The following EPM2A variants were observed in gnomAD, a reference collection of about 807,000 sequenced individuals.
The protein encoded by EPM2A is EPM2A glucan phosphatase, laforin.
EPM2A carries 21 observed loss-of-function variants against 26.5 expected under a neutral mutation model. That is an observed-to-expected ratio of 0.79 (90% CI 0.56 to 1.14). EPM2A has a LOEUF of 1.14. Among genes scored for constraint, EPM2A ranks in the 50% most tolerant of loss-of-function variants. The pLI is 0.00. For synonymous variants in EPM2A, 217 were observed against 177.6 expected (o/e 1.22, Z -1.76); for missense variants, 458 against 440.8 (o/e 1.04, Z -0.35).
chr6:145,692,996 C>T (rs1013473019), intron 1 of EPM2A, among the ~76,000 whole-genome samples: 6 of 151,964 alleles, frequency 3.9e-5, no homozygotes, highest in African/African-American at 1.4e-4. Context: ...CTATAAATTT[C>T]TTTGGGTAGT....
At chr6:145,483,378 G>C (rs973358001) in intron 4 of EPM2A, among the ~76,000 whole-genome samples, 2 of 151,978 alleles carry the variant, frequency 1.3e-5, no homozygotes, top group African/African-American at 2.4e-5. Flanking sequence ...CTGAAACAAA[G>C]ACAGCTAGCT....
chr6:145,490,771 C>T (rs1779744284), intron 4 of EPM2A: 1 of 562,950 alleles, frequency 1.8e-6, no homozygotes, highest in Non-Finnish European at 3.5e-6. Context: ...CATGTGACAA[C>T]TGACGTTCCA....
intron 1 of EPM2A, among the ~76,000 whole-genome samples, chr6:145,719,925 C>T (rs947091993): frequency 2.1e-5 from 3 of 141,592 alleles, no homozygotes; most frequent in Non-Finnish European, 4.6e-5. Flanking sequence ...ACCAAAATAA[C>T]GATTTAAACA....
intron 2 of EPM2A, among the ~76,000 whole-genome samples, chr6:145,565,546 C>A (rs1014115381): frequency 5.9e-5 from 9 of 152,178 alleles, no homozygotes; most frequent in African/African-American, 2.2e-4. Context: ...CATCTGCCAA[C>A]CTCCTTCCTG....
intron 4 of EPM2A, among the ~76,000 whole-genome samples, chr6:145,408,247 C>T (rs1354421387): frequency 1.3e-5 from 2 of 152,152 alleles, no homozygotes; most frequent in Non-Finnish European, 2.9e-5. Flanking sequence ...TAATTATCTG[C>T]TCTTCTTCAT....
At chr6:145,496,728 A>ATG (rs779194973), downstream of EPM2A, among the ~76,000 whole-genome samples, 11,394 of 106,796 alleles carry the variant, frequency 0.11, 2,312 homozygotes, top group East Asian at 0.2. Context: ...AGTTCCTGCA[A>ATG]TTTTTTTTTT....
intron 2 of EPM2A, among the ~76,000 whole-genome samples, chr6:145,583,088 G>T (rs911618589): frequency 3.3e-5 from 5 of 151,944 alleles, no homozygotes; most frequent in African/African-American, 1.2e-4. Context: ...TCTTTGGATT[G>T]GATTTCAACT....
chr6:145,662,240 A>G (rs1326096693), intron 2 of EPM2A, among the ~76,000 whole-genome samples: 1 of 152,170 alleles, frequency 6.6e-6, no homozygotes. Flanking sequence ...AGCTATATAA[A>G]TGTAAATATA....
intron 1 of EPM2A, among the ~76,000 whole-genome samples, chr6:145,729,143 G>A (rs1172334450): frequency 6.6e-6 from 1 of 152,196 alleles, no homozygotes; most frequent in African/African-American, 2.4e-5. Flanking sequence ...GAGGATATTT[G>A]GAAACACCTA....
At chr6:145,536,034 AT>A (rs1177250456) in intron 2 of EPM2A, among the ~76,000 whole-genome samples, 1 of 152,250 alleles carries the variant, frequency 6.6e-6, no homozygotes, top group Admixed American at 6.5e-5. Context: ...TAATGTTTTG[AT>A]GTTTCACAGC....
chr6:145,472,420 T>A (rs931072544), intron 4 of EPM2A, among the ~76,000 whole-genome samples: 3 of 151,212 alleles, frequency 2.0e-5, no homozygotes, highest in Non-Finnish European at 4.4e-5. Context: ...GCACCTTAGG[T>A]ACCATCATAG....
intron 4 of EPM2A, among the ~76,000 whole-genome samples, chr6:145,440,114 G>C (rs1296186577): frequency 6.6e-6 from 1 of 152,180 alleles, no homozygotes; most frequent in Non-Finnish European, 1.5e-5. Context: ...AGACATACCT[G>C]AGACTGAAAA....
chr6:145,720,545 G>A (rs1421013772), intron 1 of EPM2A, among the ~76,000 whole-genome samples: 1 of 152,158 alleles, frequency 6.6e-6, no homozygotes, highest in Non-Finnish European at 1.5e-5. Context: ...GGAAATAACA[G>A]TGTGACCCCC....
At chr6:145,718,023 C>T (rs1225884702) in intron 1 of EPM2A, among the ~76,000 whole-genome samples, 2 of 151,216 alleles carry the variant, frequency 1.3e-5, no homozygotes, top group South Asian at 2.1e-4. Flanking sequence ...GAATCAATAT[C>T]GTGAAAATGG....
At chr6:145,579,621 A>G (rs1328369479) in intron 2 of EPM2A, among the ~76,000 whole-genome samples, 1 of 152,222 alleles carries the variant, frequency 6.6e-6, no homozygotes, top group Non-Finnish European at 1.5e-5. Context: ...TTTATAGGCA[A>G]CAAAATTGGG....
intron 2 of EPM2A, among the ~76,000 whole-genome samples, chr6:145,583,502 C>A (rs923996118): frequency 6.6e-6 from 1 of 151,946 alleles, no homozygotes; most frequent in East Asian, 1.9e-4. Flanking sequence ...TTGTTCTCTG[C>A]CCCCTCGAGG....
intron 4 of EPM2A, among the ~76,000 whole-genome samples, chr6:145,466,597 G>A (rs1049551151): frequency 6.8e-4 from 103 of 152,080 alleles, no homozygotes; most frequent in African/African-American, 2.3e-3. Flanking sequence ...ATTCCTCACG[G>A]ATCTAGAACT....
At position 145,530,034 on chromosome 6, in the gene EPM2A, C is replaced by T. The variant is rs994228735; in HGVS notation, c.341-27459G>A. ...AGAAAATGATCATCACTTTGAGGTT[C>T]AAAAAATAAACAAAGCGAATTCTCT... On this transcript the variant is annotated intron_variant, in intron 2 of 3. Transcript: ENST00000450221. Among the ~76,000 whole-genome samples, 5 of 152,114 alleles carry T rather than the reference C, an allele frequency of 3.3e-5. No individual in the cohort carries two copies. The East Asian group carries it at 5.8e-4, about 18-fold the overall frequency.
At chr6:145,532,327 CA>C (rs1780370098) in intron 2 of EPM2A, among the ~76,000 whole-genome samples, 1 of 152,098 alleles carries the variant, frequency 6.6e-6, no homozygotes, top group South Asian at 2.1e-4. Context: ...AAGGTTTTTG[CA>C]AAAGTCTCAG....
Sources: allele counts gnomAD v4.1 joint callset (sites outside exome capture counted in the v4.1 genomes callset), GRCh38; gene constraint gnomAD v4.1.1; transcripts MANE v1.5; gene names NCBI Gene and HGNC (gene_info 2026-07-23, HGNC 2026-07-21).